The following ADGRF1 variants were observed in gnomAD, a reference collection of about 807,000 sequenced individuals.
The protein encoded by ADGRF1 is G protein-coupled receptor 110.
In ADGRF1, 85 loss-of-function variants were observed where a neutral mutation model predicts 87.2. That is an observed-to-expected ratio of 0.97 (90% CI 0.82 to 1.17). The LOEUF (loss-of-function observed/expected upper bound fraction) is 1.17, where lower values mean the gene tolerates loss of function less well. Among genes scored for constraint, ADGRF1 ranks in the 50% most tolerant of loss-of-function variants. The pLI is 0.00. For missense variants in ADGRF1, 1,169 were observed against 1,077.2 expected (o/e 1.09, Z -1.19); for synonymous variants, 430 against 408.8 (o/e 1.05, Z -0.63).
Position 47,024,081 on chromosome 6 carries a change from G to A in ADGRF1, c.414C>T (p.Asn138=). ...AGAAATTGACACTCTGGCTGAGGTT[G>A]TTGAGATGACATTCACAGCTTGGGA... ...GALPSCECHL[N]NLSQSVNFCE... Residue 138 remains asparagine (N), a synonymous_variant, in exon 5 of 15, where the codon AAC becomes AAT. Coordinates refer to ENST00000371253, the MANE Select transcript of ADGRF1 (RefSeq NM_153840.4). 1 of 1,614,122 alleles carries A rather than the reference G, an allele frequency of 6.2e-7. No individual in the cohort carries two copies. Among genetic ancestry groups the A allele is most frequent in the African/African-American group, 1.3e-5 (1 of 75,066 alleles).
In ADGRF1 at chr6:47,020,668, T is replaced by C. The variant is rs1277865612; in HGVS notation, c.611+63A>G. 5 of 1,595,630 alleles carry C rather than the reference T, an allele frequency of 3.1e-6. No individual in the cohort carries two copies. The Admixed American group carries it at 6.7e-5, about 21-fold the overall frequency. On this transcript the variant is annotated intron_variant, in intron 7 of 14. Coordinates refer to ENST00000371253, the MANE Select transcript of ADGRF1 (RefSeq NM_153840.4). ...TCAGGGTCACCTAAAAACAGCACTC[T>C]GCCTTTTGCAGAACTGGTGCCCAAT...
At position 47,024,051 on chromosome 6, in the gene ADGRF1, C is replaced by G. The variant is rs145664817; in HGVS notation, c.444G>C (p.Glu148Asp). The change falls in exon 5 of 15, where the codon GAG (glutamate) becomes GAC (aspartate). Residue 148 changes from glutamate (E) to aspartate (D), a missense_variant. Coordinates refer to ENST00000371253, the MANE Select transcript of ADGRF1 (RefSeq NM_153840.4). ...GCATTCTTAGTTGCTTACTTGTTCT[C>G]TCACAGAAATTGACACTCTGGCTGA... Reference protein sequence around the residue: ...NNLSQSVNFCERTKIWGTFKI... With the variant: ...NNLSQSVNFCDRTKIWGTFKI... 3 of 1,613,504 alleles carry G rather than the reference C, an allele frequency of 1.9e-6. No individual in the cohort carries two copies. The African/African-American group carries it at 4.0e-5, about 22-fold the overall frequency.
At chr6:47,040,965 A>T (rs1271221389) in intron 1 of ADGRF1, among the ~76,000 whole-genome samples, 2 of 152,222 alleles carry the variant, frequency 1.3e-5, no homozygotes, top group Admixed American at 6.5e-5. Flanking sequence ...GAGAAGAAAG[A>T]CATACAAGGC....
intron 1 of ADGRF1, among the ~76,000 whole-genome samples, chr6:47,031,351 GTCTCTCTCTCTCTCTCTC>G (rs374462680): frequency 9.0e-6 from 1 of 110,682 alleles, no homozygotes; most frequent in East Asian, 2.6e-4. Context: ...CTCTCTCTCT[GTCTCTCTCTCTCTCTCTC>G]TCTCTCTCTC....
chr6:47,013,803 C>T (rs1339370252), intron 9 of ADGRF1: 3 of 220,220 alleles, frequency 1.4e-5, no homozygotes, highest in African/African-American at 2.3e-5. Flanking sequence ...AGTGCTGTCT[C>T]ATGATACAGT....
chr6:47,026,108 C>A (rs1212708703), intron 3 of ADGRF1, 105 bp from the exon 4 acceptor site: 1 of 950,856 alleles, frequency 1.1e-6, no homozygotes, highest in Non-Finnish European at 1.5e-6. Flanking sequence ...AGGGACTCTA[C>A]CATGCTGCTT....
At chr6:47,013,015 GC>G in intron 9 of ADGRF1, 1 of 935,514 alleles carries the variant, frequency 1.1e-6, no homozygotes, top group Non-Finnish European at 1.3e-6. Flanking sequence ...CTCATGATCT[GC>G]CCGGCTTGGC....
rs774936632 is a variant in ADGRF1, at chr6:47,014,733, C to G, written c.875G>C (p.Trp292Ser). 6.2e-7 allele frequency: 1 copy of G among 1,613,922 alleles called. No individual in the cohort carries two copies. The highest frequency in any genetic ancestry group is 1.7e-5 in the Admixed American group (1 of 60,014). The change falls in exon 9 of 15, where the codon TGG (tryptophan) becomes TCG (serine). Residue 292 changes from tryptophan (W) to serine (S), a missense_variant. Transcript: ENST00000371253. ...NITAKCESSG[W>S]QVIRETCVLS... ...CACACAAGTCTCCCTGATGACCTGC[C>G]ACCCAGAGGACTCACACTTGGCTGT... is the stretch of plus-strand genomic sequence containing the variant.
chr6:47,033,189 G>A (rs1204316546), intron 1 of ADGRF1, among the ~76,000 whole-genome samples: 1 of 152,194 alleles, frequency 6.6e-6, no homozygotes, highest in Non-Finnish European at 1.5e-5. Context: ...CAGCTGTGTG[G>A]GCACCAGCTT....
chr6:47,018,714 C>G (rs953093336), intron 7 of ADGRF1: 3 of 488,280 alleles, frequency 6.1e-6, no homozygotes, highest in Non-Finnish European at 1.0e-5. Flanking sequence ...GAGTTCAAGA[C>G]CAGACTGGTC....
In ADGRF1 at chr6:47,024,184, G is replaced by A. The variant is rs1165946825; in HGVS notation, c.311C>T (p.Thr104Ile). 2 of 1,613,546 alleles carry A rather than the reference G, an allele frequency of 1.2e-6. No homozygotes were observed. The highest frequency in any genetic ancestry group is 1.7e-6 in the Non-Finnish European group (2 of 1,179,468). Residue 104 changes from threonine to isoleucine, a missense_variant, in exon 5 of 15, where the codon ACC (threonine) becomes ATC (isoleucine). By Grantham distance (89) the Thr-to-Ile change is moderately conservative. Transcript: ENST00000371253. ...AAACCAGGTGTAGCTGTCTTCACAG[G>A]TACACTGCAGGACTCCATTCAGGCT... is the stretch of plus-strand genomic sequence containing the variant. ...CNSLNGVLQC[T>I]CEDSYTWFPP... is the part of the protein sequence containing the mutation.
chr6:47,003,887 T>A (rs1395079704), intron 13 of ADGRF1, among the ~76,000 whole-genome samples: 2 of 152,230 alleles, frequency 1.3e-5, no homozygotes, highest in Admixed American at 1.3e-4. Flanking sequence ...CTGTCTCAGA[T>A]ACTTTTTCAC....
intron 1 of ADGRF1, among the ~76,000 whole-genome samples, chr6:47,034,182 G>A (rs957566259): frequency 1.3e-5 from 2 of 152,136 alleles, no homozygotes; most frequent in South Asian, 4.1e-4. Context: ...ACAGTAAGAG[G>A]AAAAATAAAG....
At chr6:47,008,034 C>A (rs1779581871) in intron 11 of ADGRF1, among the ~76,000 whole-genome samples, 1 of 152,186 alleles carries the variant, frequency 6.6e-6, no homozygotes, top group Non-Finnish European at 1.5e-5. Context: ...TCTCATTTAA[C>A]CCTCACATTT....
At position 47,021,838 on chromosome 6, in the gene ADGRF1, G is replaced by A. The variant is rs534699843; in HGVS notation, c.552+120C>T. The A allele has an allele frequency of 1.5e-3, 898 of 617,638 alleles. 1 individual carries two copies. The highest frequency in any genetic ancestry group is 2.0e-3 in the Non-Finnish European group (683 of 350,222). 38.3% of individuals were successfully genotyped at this position (617,638 alleles called of 1,614,324 possible). A position where few individuals can be genotyped will look rare whatever the true frequency, so the allele number is the denominator to read the frequency against. On this transcript the variant is annotated intron_variant, in intron 6 of 14. Coordinates refer to ENST00000371253, the MANE Select transcript of ADGRF1 (RefSeq NM_153840.4). Reference sequence around the variant, plus strand: ...TGTGGGCAGAGCAAATAACTGTTTTGTTATTTGCTCACTGAAAACGAATAA... The same window carrying A: ...TGTGGGCAGAGCAAATAACTGTTTTATTATTTGCTCACTGAAAACGAATAA...
At chr6:47,004,597 C>T (rs987079564) in intron 13 of ADGRF1, among the ~76,000 whole-genome samples, 1 of 152,002 alleles carries the variant, frequency 6.6e-6, no homozygotes, top group African/African-American at 2.4e-5. Flanking sequence ...GGGAGTGTCC[C>T]GTCTCATTAT....
At chr6:47,039,480 T>C (rs1780676448) in intron 1 of ADGRF1, among the ~76,000 whole-genome samples, 1 of 152,212 alleles carries the variant, frequency 6.6e-6, no homozygotes. Flanking sequence ...CTCTATGAGA[T>C]TATCTGTGGC....
At chr6:47,013,253 G>A (rs139230303) in intron 9 of ADGRF1, 1 of 985,420 alleles carries the variant, frequency 1.0e-6, no homozygotes, top group Non-Finnish European at 1.2e-6. Context: ...TTCTGTTCAA[G>A]CCACCTGGGA....
intron 7 of ADGRF1, chr6:47,020,077 C>T: frequency 9.9e-7 from 1 of 1,008,974 alleles, no homozygotes; most frequent in South Asian, 4.6e-5. Context: ...CCCTTATCCC[C>T]AACCCTCACT....
Sources: allele counts gnomAD v4.1 joint callset (sites outside exome capture counted in the v4.1 genomes callset), GRCh38; gene constraint gnomAD v4.1.1; transcripts MANE v1.5; gene names NCBI Gene and HGNC (gene_info 2026-07-23, HGNC 2026-07-21).